AKR1E2: variants seen among roughly 807,000 people sequenced by gnomAD.
AKR1E2 encodes the protein aldo-keto reductase family 1 member E2, also known as 1,5-anhydro-D-fructose reductase.
AKR1E2 carries 43 observed loss-of-function variants against 41.9 expected under a neutral mutation model. That is an observed-to-expected ratio of 1.03 (90% confidence interval 0.80 to 1.32). AKR1E2 has a LOEUF of 1.32. Among genes scored for constraint, AKR1E2 ranks in the 40% most tolerant of loss-of-function variants. The probability of loss-of-function intolerance (pLI) is 0.00; values close to 1 mark genes in which losing one functional copy is unlikely to be tolerated. For missense variants in AKR1E2, 423 were observed against 396.5 expected (o/e 1.07, Z -0.57); for synonymous variants, 121 against 138.9 (o/e 0.87, Z 0.91).
chr10:4,828,787 A>G (rs1310483057), intron 1 of AKR1E2, among the ~76,000 whole-genome samples: 1 of 152,190 alleles, frequency 6.6e-6, no homozygotes, highest in Admixed American at 6.5e-5. Context: ...TGAAGAGAAT[A>G]TATGTCTTTT....
chr10:4,861,242 C>G, the AKR1E2 span, among the ~76,000 whole-genome samples: 2 of 152,010 alleles, frequency 1.3e-5, no homozygotes, highest in Non-Finnish European at 2.9e-5. Flanking sequence ...TCTATTTCAA[C>G]CTTAAGAAAG....
At chr10:4,867,845 G>A in the AKR1E2 span, among the ~76,000 whole-genome samples, 1 of 152,184 alleles carries the variant, frequency 6.6e-6, no homozygotes, top group Non-Finnish European at 1.5e-5. Flanking sequence ...GCGAGAGGCA[G>A]CGTCCTCAGG....
the AKR1E2 span, among the ~76,000 whole-genome samples, chr10:4,862,296 G>T: frequency 1.3e-5 from 2 of 152,156 alleles, no homozygotes. Flanking sequence ...CTATATCTCT[G>T]TTTTGGTACC....
intron 1 of AKR1E2, among the ~76,000 whole-genome samples, chr10:4,827,529 C>T (rs751004243): frequency 6.6e-6 from 1 of 151,976 alleles, no homozygotes; most frequent in Non-Finnish European, 1.5e-5. Context: ...TACGACCTTT[C>T]TCTGCTTTGA....
intron 5 of AKR1E2, among the ~76,000 whole-genome samples, chr10:4,837,935 C>T (rs1801153458): frequency 6.6e-6 from 1 of 152,206 alleles, no homozygotes; most frequent in African/African-American, 2.4e-5. Flanking sequence ...CTGCAGACTG[C>T]AGCAAGAAAG....
Position 4,845,689 on chromosome 10 carries a change from C to G in AKR1E2, c.838-1459C>G, listed in dbSNP as rs994770632. Reference sequence around the variant, plus strand: ...GTTCTGCCCTTCTGCCGTCGTGGCTCTCAATGCCCGGGATCCCCATGGCCT... The same window carrying G: ...GTTCTGCCCTTCTGCCGTCGTGGCTGTCAATGCCCGGGATCCCCATGGCCT... On this transcript the variant is annotated intron_variant, in intron 8 of 9. Coordinates refer to ENST00000298375, the MANE Select transcript of AKR1E2 (RefSeq NM_001040177.3). 131 of 470,016 alleles carry G rather than the reference C, an allele frequency of 2.8e-4. 2 individuals carry two copies. Among genetic ancestry groups the G allele is most frequent in the South Asian group, 2.0e-3 (127 of 64,538 alleles). 29.1% of individuals were successfully genotyped at this position (470,016 alleles called of 1,614,324 possible).
At chr10:4,870,635 T>G in the AKR1E2 span, among the ~76,000 whole-genome samples, 11 of 150,718 alleles carry the variant, frequency 7.3e-5, no homozygotes, top group Admixed American at 7.3e-4. Flanking sequence ...TGTTTGATGA[T>G]AAACTCACAA....
At chr10:4,862,294 C>G in the AKR1E2 span, among the ~76,000 whole-genome samples, 1 of 152,142 alleles carries the variant, frequency 6.6e-6, no homozygotes, top group Non-Finnish European at 1.5e-5. Flanking sequence ...GTCTATATCT[C>G]TGTTTTGGTA....
chr10:4,836,459 C>T (rs1833429448), intron 4 of AKR1E2, among the ~76,000 whole-genome samples: 1 of 152,242 alleles, frequency 6.6e-6, no homozygotes, highest in Non-Finnish European at 1.5e-5. Flanking sequence ...TGACCGAGCA[C>T]GTGTGGTCTT....
At chr10:4,869,151 G>A in the AKR1E2 span, among the ~76,000 whole-genome samples, 1 of 152,140 alleles carries the variant, frequency 6.6e-6, no homozygotes, top group Admixed American at 6.5e-5. Context: ...GCAATCCCCA[G>A]TGAAATTGGA....
chr10:4,872,747 G>T, the AKR1E2 span, among the ~76,000 whole-genome samples: 5 of 152,104 alleles, frequency 3.3e-5, no homozygotes, highest in African/African-American at 1.2e-4. Context: ...CTCTAATGTG[G>T]TAAAGATAAA....
At chr10:4,837,433 C>T in intron 4 of AKR1E2, 26 bp from the exon 5 acceptor site, 1 of 1,611,746 alleles carries the variant, frequency 6.2e-7, no homozygotes, top group East Asian at 2.2e-5. Context: ...AGAAGCTTCA[C>T]ACCCAGCAGA....
At chr10:4,842,568 TGCTGTA>T in intron 8 of AKR1E2, 64 bp downstream of exon 8, 1 of 1,459,084 alleles carries the variant, frequency 6.9e-7, no homozygotes, top group Non-Finnish European at 9.6e-7. Flanking sequence ...AAGGGATGAC[TGCTGTA>T]GCATACAGCC....
At chr10:4,850,121 C>T (rs1325090183), downstream of AKR1E2, among the ~76,000 whole-genome samples, 6 of 152,214 alleles carry the variant, frequency 3.9e-5, no homozygotes, top group Admixed American at 3.9e-4. Flanking sequence ...GACAAGCCCT[C>T]CCCTTCTTTG....
the AKR1E2 span, among the ~76,000 whole-genome samples, chr10:4,853,756 T>C: frequency 6.6e-6 from 1 of 152,200 alleles, no homozygotes; most frequent in Non-Finnish European, 1.5e-5. Flanking sequence ...TTGGGCTGCA[T>C]TCCCAGATGG....
chr10:4,841,760 A>G, intron 6 of AKR1E2, 25 bp from the exon 7 acceptor site: 1 of 1,475,894 alleles, frequency 6.8e-7, no homozygotes, highest in South Asian at 1.5e-5. Context: ...CTCCTGGCTC[A>G]CTCCCCTGTA....
chr10:4,837,732 G>C, intron 5 of AKR1E2, 151 bp downstream of exon 5: 1 of 1,282,404 alleles, frequency 7.8e-7, no homozygotes, highest in Non-Finnish European at 1.0e-6. Flanking sequence ...ATTAAAGGCA[G>C]CAGCTAGGCA....
the AKR1E2 span, among the ~76,000 whole-genome samples, chr10:4,863,083 T>G: frequency 1.3e-5 from 2 of 152,136 alleles, no homozygotes; most frequent in South Asian, 2.1e-4. Flanking sequence ...TATCCAGGAA[T>G]TGAACTCAGC....
the AKR1E2 span, among the ~76,000 whole-genome samples, chr10:4,857,152 C>T: frequency 6.6e-6 from 1 of 152,156 alleles, no homozygotes; most frequent in Non-Finnish European, 1.5e-5. Context: ...CAAGACTCAT[C>T]CATAATTCAT....
Sources: allele counts gnomAD v4.1 joint callset (sites outside exome capture counted in the v4.1 genomes callset), GRCh38; gene constraint gnomAD v4.1.1; transcripts MANE v1.5; gene names NCBI Gene and HGNC (gene_info 2026-07-23, HGNC 2026-07-21).